SLC14A2: variants seen among roughly 807,000 people sequenced by gnomAD.
SLC14A2 encodes the protein urea transporter 2.
Under a neutral mutation model 104.6 loss-of-function variants are expected in SLC14A2, and 91 were observed. The observed-to-expected ratio is 0.87, with a 90% CI of 0.73 to 1.04. SLC14A2 has a LOEUF of 1.04. SLC14A2 is among the 50% of genes least tolerant of loss of function. The pLI, the probability that SLC14A2 is intolerant of heterozygous loss-of-function variation, is 0.00. For synonymous variants in SLC14A2, 476 were observed against 466.4 expected (o/e 1.02, Z -0.27); for missense variants, 1,189 against 1,156.0 (o/e 1.03, Z -0.41).
At chr18:45,359,279 G>A (rs1279449879) in intron 1 of SLC14A2, among the ~76,000 whole-genome samples, 1 of 152,204 alleles carries the variant, frequency 6.6e-6, no homozygotes, top group Non-Finnish European at 1.5e-5. Flanking sequence ...TGAGAAGAGA[G>A]TTTGGGGTCA....
chr18:45,562,189 G>T (rs2044208925), intron 2 of SLC14A2, among the ~76,000 whole-genome samples: 1 of 152,188 alleles, frequency 6.6e-6, no homozygotes, highest in South Asian at 2.1e-4. Context: ...ATTCAGAAGA[G>T]TTCCTCCCTT....
At chr18:45,604,991 G>A (rs187453020) in intron 2 of SLC14A2, among the ~76,000 whole-genome samples, 5 of 152,202 alleles carry the variant, frequency 3.3e-5, no homozygotes, top group Non-Finnish European at 7.4e-5. Flanking sequence ...TGATTAATAT[G>A]AGTGTCAATT....
the SLC14A2 span, among the ~76,000 whole-genome samples, chr18:45,203,789 C>T: frequency 3.9e-5 from 6 of 152,190 alleles, 1 homozygote; most frequent in Admixed American, 2.0e-4. Flanking sequence ...TAGCCTTGTA[C>T]AAAGAGATGA....
chr18:45,667,065 A>G lies in SLC14A2; in HGVS notation c.1688A>G (p.Glu563Gly). Residue 563 changes from glutamate to glycine, a missense_variant, in exon 13 of 20, where the codon GAG becomes GGG. Coordinates refer to ENST00000255226, the MANE Select transcript of SLC14A2 (RefSeq NM_007163.4). ...VSKALSYITG[E>G]MKECGEGLKD... ...AAAGCCCTCAGCTACATCACAGGAG[A>G]GATGAAGGAGTGTGGAGAGGGACTT... The G allele has an allele frequency of 1.9e-6, 3 of 1,613,806 alleles. No individual in the cohort carries two copies. The highest frequency in any genetic ancestry group is 2.5e-6 in the Non-Finnish European group (3 of 1,179,794).
intron 1 of SLC14A2, among the ~76,000 whole-genome samples, chr18:45,333,558 T>TA (rs972113220): frequency 5.9e-5 from 9 of 152,196 alleles, no homozygotes; most frequent in Non-Finnish European, 1.2e-4. Flanking sequence ...TGAGAAATAT[T>TA]GTAGAGTCAG....
chr18:45,639,494 G>C (rs946208870), intron 6 of SLC14A2, among the ~76,000 whole-genome samples: 5 of 152,180 alleles, frequency 3.3e-5, no homozygotes, highest in African/African-American at 1.2e-4. Flanking sequence ...ATGTTCCTCA[G>C]AAGCATCCAT....
intron 2 of SLC14A2, among the ~76,000 whole-genome samples, chr18:45,500,521 G>A (rs2043179932): frequency 6.8e-6 from 1 of 146,000 alleles, no homozygotes; most frequent in Non-Finnish European, 1.5e-5. Flanking sequence ...AGCTTGCAGT[G>A]AGCCGAGATC....
intron 1 of SLC14A2, among the ~76,000 whole-genome samples, chr18:45,307,139 G>A (rs35001858): frequency 0.049 from 7,418 of 152,138 alleles, 296 homozygotes; most frequent in African/African-American, 0.11. Flanking sequence ...AACCTTGGCC[G>A]GGCGTGGTGG....
the SLC14A2 span, among the ~76,000 whole-genome samples, chr18:45,195,637 G>A: frequency 5.3e-5 from 8 of 152,222 alleles, no homozygotes; most frequent in South Asian, 1.2e-3. Context: ...TGAACTGCCC[G>A]CCTTGGCCTC....
At chr18:45,199,974 T>C in the SLC14A2 span, among the ~76,000 whole-genome samples, 1 of 152,184 alleles carries the variant, frequency 6.6e-6, no homozygotes, top group Admixed American at 6.5e-5. Context: ...ATATCCCCAT[T>C]AAAGAACCCT....
intron 2 of SLC14A2, chr18:45,542,403 C>CA (rs1001446703): frequency 2.1e-4 from 32 of 151,572 alleles, no homozygotes; most frequent in African/African-American, 3.4e-4. Flanking sequence ...TAGAATTTGG[C>CA]AAAAAAATGG....
chr18:45,597,039 G>T (rs1393852777), intron 2 of SLC14A2, among the ~76,000 whole-genome samples: 3 of 152,214 alleles, frequency 2.0e-5, no homozygotes, highest in African/African-American at 4.8e-5. Flanking sequence ...AAAGAAGGTT[G>T]GTTGCAGCCG....
At chr18:45,322,701 C>T (rs1449708071) in intron 1 of SLC14A2, among the ~76,000 whole-genome samples, 1 of 152,202 alleles carries the variant, frequency 6.6e-6, no homozygotes, top group Non-Finnish European at 1.5e-5. Flanking sequence ...GTCCATTCCT[C>T]TCCTAATATG....
At chr18:45,608,514 A>T (rs894163156) in intron 2 of SLC14A2, among the ~76,000 whole-genome samples, 4 of 152,228 alleles carry the variant, frequency 2.6e-5, no homozygotes, top group Non-Finnish European at 5.9e-5. Flanking sequence ...TGACCGTCCC[A>T]GTGCGTTTTG....
At chr18:45,606,748 CAAAACAAAAACAA>C (rs2044877505) in intron 2 of SLC14A2, among the ~76,000 whole-genome samples, 1 of 87,804 alleles carries the variant, frequency 1.1e-5, no homozygotes, top group African/African-American at 5.1e-5. Flanking sequence ...AAAAAAAAAA[CAAAACAAAAACAA>C]AAAAAAAAAA....
intron 1 of SLC14A2, among the ~76,000 whole-genome samples, chr18:45,453,891 A>C (rs1194804370): frequency 6.4e-5 from 7 of 108,846 alleles, no homozygotes; most frequent in East Asian, 3.0e-4. Flanking sequence ...ACAGAGTCTC[A>C]CTCTGTCACC....
intron 1 of SLC14A2, among the ~76,000 whole-genome samples, chr18:45,464,118 G>C (rs985453690): frequency 1.3e-5 from 2 of 152,156 alleles, no homozygotes; most frequent in Non-Finnish European, 2.9e-5. Flanking sequence ...CTTGTTAAAG[G>C]ATAATAATTC....
intron 10 of SLC14A2, among the ~76,000 whole-genome samples, chr18:45,659,782 T>C (rs2045904852): frequency 6.6e-6 from 1 of 152,154 alleles, no homozygotes; most frequent in South Asian, 2.1e-4. Flanking sequence ...TTACAAAAAC[T>C]GTTTGTACCC....
At chr18:45,496,802 A>G (rs909695950) in intron 2 of SLC14A2, among the ~76,000 whole-genome samples, 13 of 152,132 alleles carry the variant, frequency 8.5e-5, no homozygotes, top group Non-Finnish European at 1.0e-4. Flanking sequence ...ATGGAAGGTG[A>G]GATAACTGCT....
Sources: allele counts gnomAD v4.1 joint callset (sites outside exome capture counted in the v4.1 genomes callset), GRCh38; gene constraint gnomAD v4.1.1; transcripts MANE v1.5; gene names NCBI Gene and HGNC (gene_info 2026-07-23, HGNC 2026-07-21).